Variants in INO80C observed in about 807,000 individuals in gnomAD.
INO80C encodes INO80 complex subunit C.
In INO80C, 17 loss-of-function variants were observed where a neutral mutation model predicts 17.7. The ratio of observed to expected loss-of-function variants is 0.96; its 90% confidence interval spans 0.66 to 1.44. The LOEUF (loss-of-function observed/expected upper bound fraction) is 1.44, where lower values mean the gene tolerates loss of function less well. Ranked by LOEUF, INO80C falls within the 40% of genes most tolerant of loss-of-function variation. The pLI is 0.00. For missense variants in INO80C, 244 were observed against 245.0 expected, an observed-to-expected ratio of 1.00 and a Z score of 0.03; for synonymous variants, 96 against 95.8, an observed-to-expected ratio of 1.00 and a Z score of -0.01.
At position 35,480,444 on chromosome 18, in the gene INO80C, G is replaced by A. The variant is rs540926022; in HGVS notation, c.267+9C>T. ...GGATGTTTATTCAGCTAATACCTTCGATGCTTACCACAAAGTTGGGATCCT... is the reference window on the plus strand; with the variant it reads ...GGATGTTTATTCAGCTAATACCTTCAATGCTTACCACAAAGTTGGGATCCT... On this transcript the variant is annotated intron_variant, in intron 2 of 4. Coordinates refer to ENST00000334598, the MANE Select transcript of INO80C (RefSeq NM_194281.4). 1.0e-5 allele frequency: 16 copies of A among 1,580,780 alleles called. No homozygotes were observed. Among genetic ancestry groups the A allele is most frequent in the South Asian group, 3.3e-5 (3 of 90,462 alleles).
At chr18:35,475,672 TA>T (rs147446921) in intron 4 of INO80C, among the ~76,000 whole-genome samples, 34,364 of 143,844 alleles carry the variant, frequency 0.24, 4,079 homozygotes, top group Middle Eastern at 0.33. Context: ...GACCCTGTCT[TA>T]AAAAAAAAAA....
intron 4 of INO80C, among the ~76,000 whole-genome samples, chr18:35,476,937 T>C (rs1205413401): frequency 1.3e-5 from 2 of 152,028 alleles, no homozygotes; most frequent in African/African-American, 4.8e-5. Context: ...TTTAAATATA[T>C]AGATAGTTTA....
At chr18:35,489,312 A>C (rs563345999) in intron 1 of INO80C, 6 of 270,230 alleles carry the variant, frequency 2.2e-5, no homozygotes, top group Admixed American at 2.2e-4. Flanking sequence ...TATAAAGAAA[A>C]AGAGATTTAA....
chr18:35,488,903 C>A (rs2045905318), intron 1 of INO80C, among the ~76,000 whole-genome samples: 1 of 152,190 alleles, frequency 6.6e-6, no homozygotes, highest in African/African-American at 2.4e-5. Flanking sequence ...GAAATCATCT[C>A]CCTCAAGTTC....
intron 4 of INO80C, among the ~76,000 whole-genome samples, chr18:35,473,890 G>A (rs2045699747): frequency 1.3e-5 from 2 of 152,092 alleles, no homozygotes; most frequent in South Asian, 4.2e-4. Flanking sequence ...CTGCAGACCT[G>A]TCCTAACAAA....
intron 1 of INO80C, among the ~76,000 whole-genome samples, chr18:35,484,358 A>G (rs2045848267): frequency 6.6e-6 from 1 of 152,202 alleles, no homozygotes; most frequent in East Asian, 1.9e-4. Context: ...GCAGGTATAC[A>G]CACACATATA....
intron 1 of INO80C, among the ~76,000 whole-genome samples, chr18:35,491,472 A>G (rs1012101701): frequency 6.6e-6 from 1 of 152,160 alleles, no homozygotes; most frequent in African/African-American, 2.4e-5. Flanking sequence ...CAGAGAAAGG[A>G]AGCCACCCTG....
At chr18:35,493,554 C>G (rs900451473) in intron 1 of INO80C, among the ~76,000 whole-genome samples, 3 of 152,178 alleles carry the variant, frequency 2.0e-5, no homozygotes, top group African/African-American at 7.2e-5. Flanking sequence ...TTTCCTAACA[C>G]TGATGTAAAG....
At chr18:35,484,167 C>G (rs976932993) in intron 1 of INO80C, among the ~76,000 whole-genome samples, 2 of 152,110 alleles carry the variant, frequency 1.3e-5, no homozygotes, top group African/African-American at 4.8e-5. Context: ...GTTAATAATT[C>G]TGAAACTACT....
intron 1 of INO80C, chr18:35,497,452 C>T (rs2045995101): frequency 8.0e-7 from 1 of 1,255,472 alleles, no homozygotes; most frequent in African/African-American, 1.6e-5. Flanking sequence ...AAGGCGACCT[C>T]GAGGGGAAGA....
At chr18:35,497,685 C>A (rs749427410) in intron 1 of INO80C, 34 bp downstream of exon 1, 21 of 1,593,322 alleles carry the variant, frequency 1.3e-5, no homozygotes, top group Admixed American at 1.7e-5. Context: ...CGTTTCGCGA[C>A]GCGCACGCGC....
At chr18:35,477,061 T>G (rs1306387013) in intron 4 of INO80C, among the ~76,000 whole-genome samples, 1 of 152,108 alleles carries the variant, frequency 6.6e-6, no homozygotes, top group Admixed American at 6.5e-5. Flanking sequence ...CTGGCCAACA[T>G]GGCAAAACCT....
intron 4 of INO80C, among the ~76,000 whole-genome samples, chr18:35,469,494 C>T (rs535289473): frequency 2.0e-5 from 3 of 152,150 alleles, no homozygotes; most frequent in African/African-American, 4.8e-5. Context: ...TCTTACCATG[C>T]CCCATCTGTC....
intron 1 of INO80C, among the ~76,000 whole-genome samples, chr18:35,491,875 C>A (rs1167320357): frequency 6.6e-6 from 1 of 152,192 alleles, no homozygotes; most frequent in Non-Finnish European, 1.5e-5. Flanking sequence ...AAGGGGCGCC[C>A]CCTCTTTGCA....
At chr18:35,480,408 G>T (rs1203860081) in intron 2 of INO80C, 45 bp downstream of exon 2, 3 of 1,282,258 alleles carry the variant, frequency 2.3e-6, no homozygotes, top group Non-Finnish European at 3.4e-6. Flanking sequence ...AGAGGCTGAG[G>T]TGTGGCATTT....
chr18:35,497,561 G>C (rs573503966), intron 1 of INO80C, 158 bp downstream of exon 1: 1 of 1,417,170 alleles, frequency 7.1e-7, no homozygotes, highest in Non-Finnish European at 9.2e-7. Flanking sequence ...CCAAACGAAG[G>C]GAAAGAGTAG....
chr18:35,496,644 G>C (rs1161980488), intron 1 of INO80C: 4 of 152,326 alleles, frequency 2.6e-5, no homozygotes, highest in African/African-American at 9.6e-5. Flanking sequence ...CTGTAACCTT[G>C]AAATCTTGGG....
chr18:35,494,386 AAAGGTGATTATCC>A (rs1256345054), intron 1 of INO80C, among the ~76,000 whole-genome samples: 3 of 152,224 alleles, frequency 2.0e-5, no homozygotes, highest in African/African-American at 7.2e-5. Context: ...GACTTTTAAA[AAAGGTGATTATCC>A]AAGTAGGCCT....
At chr18:35,481,726 A>C (rs1490167686) in intron 1 of INO80C, among the ~76,000 whole-genome samples, 3 of 152,244 alleles carry the variant, frequency 2.0e-5, no homozygotes, top group African/African-American at 7.2e-5. Flanking sequence ...TCTACTAAAA[A>C]TACAAAAATT....
Sources: allele counts gnomAD v4.1 joint callset (sites outside exome capture counted in the v4.1 genomes callset), GRCh38; gene constraint gnomAD v4.1.1; transcripts MANE v1.5; gene names NCBI Gene and HGNC (gene_info 2026-07-23, HGNC 2026-07-21).